SLC15A1: variants seen among roughly 807,000 people sequenced by gnomAD.
The protein encoded by SLC15A1 is Caco-2 oligopeptide transporter.
SLC15A1 carries 83 observed loss-of-function variants against 92.9 expected under a neutral mutation model. The ratio of observed to expected loss-of-function variants is 0.89; its 90% CI spans 0.75 to 1.07. The LOEUF is 1.07. Ranked by LOEUF, SLC15A1 falls within the 50% of genes least tolerant of loss-of-function variation. SLC15A1 has a pLI of 0.00. For missense variants in SLC15A1, 857 were observed against 880.1 expected (o/e 0.97, Z 0.33); for synonymous variants, 322 against 318.2 (o/e 1.01, Z -0.13).
At chr13:98,699,319 C>T (rs1314810388) in intron 18 of SLC15A1, among the ~76,000 whole-genome samples, 1 of 152,176 alleles carries the variant, frequency 6.6e-6, no homozygotes, top group Non-Finnish European at 1.5e-5. Context: ...TCCACATCTC[C>T]AATCACAGGT....
chr13:98,721,216 G>A (rs901839744), intron 7 of SLC15A1: 1 of 586,218 alleles, frequency 1.7e-6, no homozygotes, highest in Non-Finnish European at 3.3e-6. Context: ...CTTACCACGA[G>A]CATGACTTTG....
intron 9 of SLC15A1, 124 bp downstream of exon 9, chr13:98,715,754 T>C: frequency 1.4e-6 from 1 of 729,640 alleles, no homozygotes; most frequent in Non-Finnish European, 2.3e-6. Flanking sequence ...TACAATTTAC[T>C]GAAACAGTTA....
chr13:98,725,358 T>C (rs2088290034), intron 4 of SLC15A1, among the ~76,000 whole-genome samples: 1 of 152,132 alleles, frequency 6.6e-6, no homozygotes, highest in South Asian at 2.1e-4. Context: ...AGGAAAACTT[T>C]CCTGACAACA....
intron 18 of SLC15A1, among the ~76,000 whole-genome samples, chr13:98,690,362 G>A (rs1484140461): frequency 6.6e-6 from 1 of 151,766 alleles, no homozygotes; most frequent in Non-Finnish European, 1.5e-5. Flanking sequence ...AATGGAACCT[G>A]AGACAGATCC....
chr13:98,712,605 C>G (rs377725178), intron 9 of SLC15A1, 21 bp from the exon 10 acceptor site: 2 of 1,577,346 alleles, frequency 1.3e-6, no homozygotes, highest in African/African-American at 1.4e-5. Context: ...GAAGAAAAAT[C>G]GAATTTCAAA....
intron 18 of SLC15A1, among the ~76,000 whole-genome samples, chr13:98,692,066 T>C: frequency 7.3e-6 from 1 of 136,160 alleles, no homozygotes; most frequent in Non-Finnish European, 1.6e-5. Context: ...AGAGCGAAAC[T>C]CCATCTCAAA....
At chr13:98,736,735 T>C (rs1273473242) in intron 1 of SLC15A1, among the ~76,000 whole-genome samples, 1 of 151,934 alleles carries the variant, frequency 6.6e-6, no homozygotes, top group Non-Finnish European at 1.5e-5. Context: ...AACACACACA[T>C]AAAAAAACGC....
At chr13:98,717,078 C>CAT (rs1039838599) in intron 8 of SLC15A1, among the ~76,000 whole-genome samples, 8 of 152,124 alleles carry the variant, frequency 5.3e-5, no homozygotes, top group African/African-American at 1.7e-4. Context: ...TATCTGAAAA[C>CAT]ATAGTCCATA....
intron 1 of SLC15A1, among the ~76,000 whole-genome samples, chr13:98,730,304 G>T (rs1310460400): frequency 2.1e-5 from 3 of 142,890 alleles, no homozygotes; most frequent in African/African-American, 5.2e-5. Context: ...AGGGGAAGGG[G>T]CATTTTAGAT....
At chr13:98,719,988 T>C (rs1380890518) in intron 7 of SLC15A1, among the ~76,000 whole-genome samples, 1 of 151,960 alleles carries the variant, frequency 6.6e-6, no homozygotes, top group Non-Finnish European at 1.5e-5. Flanking sequence ...AAAATTATTT[T>C]AAAAGTAAGC....
At chr13:98,706,028 G>C in intron 16 of SLC15A1, 106 bp downstream of exon 16, 1 of 1,199,122 alleles carries the variant, frequency 8.3e-7, no homozygotes, top group East Asian at 2.4e-5. Flanking sequence ...TTCACTTCTG[G>C]GCTGGCCTTG....
rs142500913 is a variant in SLC15A1, at chr13:98,687,975, A to G, written c.1684-251T>C. Among the ~76,000 whole-genome samples the G allele has an allele frequency of 2.9e-3, 439 of 152,334 alleles. 3 individuals are homozygous for G. The highest frequency in any genetic ancestry group is 8.2e-3 in the African/African-American group (339 of 41,574). On this transcript the variant is annotated intron_variant, in intron 20 of 22. Transcript: ENST00000376503. ...TAAAACACTGCCCTCTCTTTGAACT[A>G]TGAGTTCTTTAAGTCCATGTTAATA...
intron 18 of SLC15A1, among the ~76,000 whole-genome samples, chr13:98,691,188 C>G (rs1317136035): frequency 1.3e-5 from 2 of 152,056 alleles, no homozygotes; most frequent in Admixed American, 6.5e-5. Context: ...GGACTACAGG[C>G]CCCCGCCACC....
In SLC15A1 at chr13:98,702,097, T is replaced by C. The variant is rs530514072; in HGVS notation, c.1466+383A>G. 1.6e-4 allele frequency among the ~76,000 whole-genome samples: 24 copies of C among 152,342 alleles called. No individual in the cohort carries two copies. In the South Asian group the frequency reaches 4.8e-3, roughly 30 times the overall value. ...TGCGGAGAGTGGAAAAATCTTACCT[T>C]GTTCCTGATCTTAGTGGAGAGCTTT... On this transcript the variant is annotated intron_variant, in intron 18 of 22. Transcript: ENST00000376503.
intron 18 of SLC15A1, among the ~76,000 whole-genome samples, chr13:98,695,774 T>C (rs2088016392): frequency 6.6e-6 from 1 of 152,202 alleles, no homozygotes; most frequent in African/African-American, 2.4e-5. Context: ...TGCAGCTTAC[T>C]GATACCACAT....
At chr13:98,731,966 A>G (rs1192179795) in intron 1 of SLC15A1, among the ~76,000 whole-genome samples, 1 of 152,214 alleles carries the variant, frequency 6.6e-6, no homozygotes, top group Non-Finnish European at 1.5e-5. Flanking sequence ...TTTTATTATT[A>G]CAGGGCAGAG....
chr13:98,715,566 C>G (rs2139586424), intron 9 of SLC15A1, among the ~76,000 whole-genome samples: 1 of 152,264 alleles, frequency 6.6e-6, no homozygotes, highest in Admixed American at 6.5e-5. Flanking sequence ...ATTGAGCCTC[C>G]CCATTTTTGA....
intron 7 of SLC15A1, chr13:98,721,042 A>C: frequency 2.3e-6 from 1 of 439,736 alleles, no homozygotes; most frequent in Non-Finnish European, 4.6e-6. Flanking sequence ...ACAGAGCAAG[A>C]CTCCTTCTAA....
Position 98,686,856 on chromosome 13 carries a change from A to G in SLC15A1, c.1828-559T>C, listed in dbSNP as rs146512926. ...ACTATAGCTCTGACAACACAGTTCA[A>G]TAATTAAGCTCTAATTTGGGTATCA... On this transcript the variant is annotated intron_variant, in intron 21 of 22. Transcript: ENST00000376503. Among the ~76,000 whole-genome samples, 851 of 152,304 alleles carry G rather than the reference A, an allele frequency of 5.6e-3. 12 individuals are homozygous for G. Among genetic ancestry groups the G allele is most frequent in the African/African-American group, 0.019 (805 of 41,570 alleles).
Sources: allele counts gnomAD v4.1 joint callset (sites outside exome capture counted in the v4.1 genomes callset), GRCh38; gene constraint gnomAD v4.1.1; transcripts MANE v1.5; gene names NCBI Gene and HGNC (gene_info 2026-07-23, HGNC 2026-07-21).